Variants in ARFGEF1 observed in about 807,000 individuals in gnomAD.
ARFGEF1 encodes ARF guanine nucleotide exchange factor 1.
ARFGEF1 carries 42 observed loss-of-function variants against 231.0 expected under a neutral mutation model. The ratio of observed to expected loss-of-function variants is 0.18; its 90% CI spans 0.14 to 0.24. The LOEUF (loss-of-function observed/expected upper bound fraction) is 0.24, where lower values mean the gene tolerates loss of function less well. ARFGEF1 is among the 10% of genes least tolerant of loss of function. ARFGEF1 has a pLI of 1.00. For synonymous variants in ARFGEF1, 710 were observed against 732.3 expected (o/e 0.97, Z 0.49); for missense variants, 1,345 against 2,192.0 (o/e 0.61, Z 7.72).
At chr8:67,217,947 A>G in intron 31 of ARFGEF1, 27 bp from the exon 32 acceptor site, 2 of 1,612,904 alleles carry the variant, frequency 1.2e-6, no homozygotes, top group Non-Finnish European at 8.5e-7. Flanking sequence ...CAATTCATTT[A>G]TATATTACCA....
At chr8:67,313,050 T>C (rs1310661139) in intron 1 of ARFGEF1, among the ~76,000 whole-genome samples, 2 of 152,236 alleles carry the variant, frequency 1.3e-5, no homozygotes, top group African/African-American at 4.8e-5. Context: ...AGCAGACTTA[T>C]GCCCTTATAT....
intron 1 of ARFGEF1, among the ~76,000 whole-genome samples, chr8:67,342,246 T>C (rs996099229): frequency 2.0e-5 from 3 of 152,222 alleles, no homozygotes; most frequent in African/African-American, 7.2e-5. Context: ...ATGGATGCAA[T>C]AGATCTAACA....
intron 1 of ARFGEF1, among the ~76,000 whole-genome samples, chr8:67,307,399 T>C (rs1341169709): frequency 6.6e-6 from 1 of 152,212 alleles, no homozygotes; most frequent in Non-Finnish European, 1.5e-5. Context: ...TCAAACTGTG[T>C]GTGTGCAAGC....
chr8:67,249,281 G>A (rs1402785920), intron 19 of ARFGEF1, among the ~76,000 whole-genome samples: 1 of 150,402 alleles, frequency 6.6e-6, no homozygotes, highest in Non-Finnish European at 1.5e-5. Flanking sequence ...ATTCAGTACT[G>A]TAGCATAAAA....
intron 19 of ARFGEF1, among the ~76,000 whole-genome samples, chr8:67,242,324 A>C (rs1161836925): frequency 6.6e-6 from 1 of 152,208 alleles, no homozygotes; most frequent in African/African-American, 2.4e-5. Flanking sequence ...AGGAAAGGAG[A>C]GGGAAGAATA....
chr8:67,238,666 A>G (rs1223018443), intron 21 of ARFGEF1, 69 bp downstream of exon 21: 3 of 1,546,434 alleles, frequency 1.9e-6, no homozygotes, highest in South Asian at 1.2e-5. Context: ...AGGCATGTCA[A>G]TGATGGACTA....
chr8:67,211,418 A>G (rs1838746994), intron 34 of ARFGEF1, 65 bp downstream of exon 34: 4 of 1,311,498 alleles, frequency 3.0e-6, no homozygotes, highest in South Asian at 1.7e-5. Context: ...TAAAAGTAAA[A>G]CCAAAAATGT....
intron 1 of ARFGEF1, among the ~76,000 whole-genome samples, chr8:67,308,790 CAT>C (rs1171736377): frequency 1.3e-5 from 2 of 151,966 alleles, no homozygotes; most frequent in African/African-American, 4.8e-5. Flanking sequence ...TTAATGGACA[CAT>C]ATTAATTGTA....
rs1437459663 is a variant in ARFGEF1, at chr8:67,301,246, C to T, written c.290G>A (p.Ser97Asn). ...TACCTGTAAGCAATCTAGAGATGTACTAACTATGCGAGGACATTTGGACTG... is the reference window on the plus strand; with the variant it reads ...TACCTGTAAGCAATCTAGAGATGTATTAACTATGCGAGGACATTTGGACTG... ...ACQSKCPRIV[S>N]TSLDCLQKLI... Residue 97 changes from serine to asparagine, a missense_variant, in exon 3 of 39, where the codon AGT becomes AAT. Ser to Asn is a conservative substitution (Grantham distance 46, BLOSUM62 1). Around this residue, in one of 14 missense-constraint regions of ARFGEF1, gnomAD observed 398 missense variants for 463.2 expected, o/e 0.86. Transcript: ENST00000262215. 1 of 1,612,718 alleles carries T rather than the reference C, an allele frequency of 6.2e-7. No individual in the cohort carries two copies. The highest frequency in any genetic ancestry group is 1.3e-5 in the African/African-American group (1 of 74,956).
At chr8:67,180,750 C>G (rs1041001704) in intron 5 of ARFGEF1, among the ~76,000 whole-genome samples, 1 of 151,788 alleles carries the variant, frequency 6.6e-6, no homozygotes, top group East Asian at 1.9e-4. Flanking sequence ...TACCTGTGTA[C>G]CTTAATTATT....
Position 67,258,166 on chromosome 8 carries a change from CCTT to C in ARFGEF1, c.2357_2359del (p.Glu786del). ...CTGAGCTTCCCCTGGAAGACGAAAT[CCTT>C]CTAGAAACATACGAAGGGCTGAAAC... On this transcript the variant is annotated inframe_deletion, in exon 16 of 39. Transcript: ENST00000262215. The C allele has an allele frequency of 6.2e-7, 1 of 1,613,934 alleles. No individual in the cohort carries two copies. The highest frequency in any genetic ancestry group is 8.5e-7 in the Non-Finnish European group (1 of 1,179,892).
chr8:67,204,637 TC>T, intron 35 of ARFGEF1, 42 bp downstream of exon 35: 1 of 1,585,246 alleles, frequency 6.3e-7, no homozygotes, highest in Non-Finnish European at 8.6e-7. Context: ...ATACCTAACT[TC>T]CTACTTACAC....
chr8:67,177,291 G>A (rs1415227098), intron 5 of ARFGEF1, among the ~76,000 whole-genome samples: 1 of 152,126 alleles, frequency 6.6e-6, no homozygotes, highest in Non-Finnish European at 1.5e-5. Flanking sequence ...TTTGCCTCTG[G>A]AACTAAGTGC....
intron 7 of ARFGEF1, among the ~76,000 whole-genome samples, chr8:67,286,159 A>T (rs1805748835): frequency 6.6e-6 from 1 of 152,226 alleles, no homozygotes; most frequent in Non-Finnish European, 1.5e-5. Flanking sequence ...TATTTACGGG[A>T]GAAATGTCAT....
At position 67,203,260 on chromosome 8, in the gene ARFGEF1, A is replaced by G; in HGVS notation, c.4960-9T>C. On this transcript the variant is annotated splice_polypyrimidine_tract_variant and intron_variant, in intron 35 of 38. Coordinates refer to ENST00000262215, the MANE Select transcript of ARFGEF1 (RefSeq NM_006421.5). ...AAGTCCACCGCATCTCTCTTTGGAA[A>G]ACAAACCACCCCAGCATATACACAC... is the stretch of plus-strand genomic sequence containing the variant. The G allele has an allele frequency of 1.2e-6, 2 of 1,613,148 alleles. No homozygotes were observed.
At chr8:67,311,082 C>T (rs1474187385) in intron 1 of ARFGEF1, among the ~76,000 whole-genome samples, 11 of 140,482 alleles carry the variant, frequency 7.8e-5, no homozygotes, top group South Asian at 4.6e-4. Flanking sequence ...CCCCTCTGCC[C>T]GGCCAGCCGC....
chr8:67,237,253 GCTAGATCAC>G (rs1283734226), intron 22 of ARFGEF1, among the ~76,000 whole-genome samples: 1 of 152,106 alleles, frequency 6.6e-6, no homozygotes. Context: ...AAATCTTACT[GCTAGATCAC>G]CAAGGTATCA....
At chr8:67,276,596 CAG>C (rs1451627824) in intron 8 of ARFGEF1, among the ~76,000 whole-genome samples, 2 of 152,084 alleles carry the variant, frequency 1.3e-5, no homozygotes, top group African/African-American at 4.8e-5. Context: ...CCTAAAAAGG[CAG>C]ATCTTTTACA....
intron 1 of ARFGEF1, among the ~76,000 whole-genome samples, chr8:67,310,762 G>A (rs1027851696): frequency 5.3e-5 from 8 of 150,302 alleles, no homozygotes; most frequent in Admixed American, 2.6e-4. Context: ...CCGTCTGGGA[G>A]GTGAGGAGCG....
Sources: gnomAD v4.1 joint callset for allele counts (sites outside exome capture counted in the v4.1 genomes callset) on GRCh38, gnomAD v4.1.1 for gene constraint, gnomAD v4.1.1 regional missense constraint, MANE v1.5 for transcripts, NCBI Gene and HGNC (gene_info 2026-07-23, HGNC 2026-07-21) for gene names.